Variants in CDS2 observed in about 807,000 individuals in gnomAD.
The protein encoded by CDS2 is CDP-diacylglycerol synthase 2.
CDS2 carries 47 observed loss-of-function variants against 59.0 expected under a neutral mutation model. The observed-to-expected ratio is 0.80, with a 90% CI of 0.63 to 1.02. The LOEUF (loss-of-function observed/expected upper bound fraction) is 1.02. Among genes scored for constraint, CDS2 ranks in the 50% least tolerant of loss-of-function variants. CDS2 has a pLI of 0.00. For synonymous variants in CDS2, 207 were observed against 206.4 expected (o/e 1.00, Z -0.02); for missense variants, 356 against 558.9 (o/e 0.64, Z 3.66).
At chr20:5,186,597 C>T in intron 9 of CDS2, 90 bp from the exon 10 acceptor site, 4 of 1,368,598 alleles carry the variant, frequency 2.9e-6, no homozygotes, top group Non-Finnish European at 3.1e-6. Context: ...TACTAGGCAC[C>T]CTCAGGAACA....
In CDS2 at chr20:5,182,379, CA is replaced by C; in HGVS notation, c.530-5del. 3 of 1,606,486 alleles carry C rather than the reference CA, an allele frequency of 1.9e-6. No individual in the cohort carries two copies. Among genetic ancestry groups the C allele is most frequent in the Non-Finnish European group, 2.5e-6 (3 of 1,176,968 alleles). On this transcript the variant is annotated splice_polypyrimidine_tract_variant and splice_region_variant and intron_variant, in intron 5 of 12. Coordinates refer to ENST00000460006, the MANE Select transcript of CDS2 (RefSeq NM_003818.4). Reference sequence around the variant, plus strand: ...TCATTTTTCTTTTCTCCTCCCACCTCAAACTAGGATTCTGCATGTTTGTACT... The same window carrying C: ...TCATTTTTCTTTTCTCCTCCCACCTCAACTAGGATTCTGCATGTTTGTACT...
chr20:5,129,980 G>GT (rs899335431), intron 1 of CDS2, among the ~76,000 whole-genome samples: 14 of 149,180 alleles, frequency 9.4e-5, no homozygotes, highest in East Asian at 2.0e-4. Context: ...TTGTTTTTTT[G>GT]TTTTTTTTTG....
intron 1 of CDS2, among the ~76,000 whole-genome samples, chr20:5,167,179 A>C (rs1215835378): frequency 6.6e-6 from 1 of 152,234 alleles, no homozygotes; most frequent in Non-Finnish European, 1.5e-5. Flanking sequence ...ATCTGGAGAC[A>C]GAATGGCTCA....
chr20:5,143,599 G>GTTCTTT (rs909121008), intron 1 of CDS2, among the ~76,000 whole-genome samples: 1 of 145,716 alleles, frequency 6.9e-6, no homozygotes, highest in Admixed American at 6.9e-5. Context: ...TCTGCTTTCA[G>GTTCTTT]TTCTTTTTCT....
chr20:5,132,954 C>T (rs2090619327), intron 1 of CDS2, among the ~76,000 whole-genome samples: 2 of 151,390 alleles, frequency 1.3e-5, no homozygotes, highest in African/African-American at 4.9e-5. Context: ...GGGCGGATCA[C>T]GAGGTCAGGA....
chr20:5,155,036 G>C (rs1398889741), intron 1 of CDS2, among the ~76,000 whole-genome samples: 2 of 152,246 alleles, frequency 1.3e-5, no homozygotes, highest in Non-Finnish European at 2.9e-5. Flanking sequence ...CATAGGGCAA[G>C]ATTGAACCGC....
rs929649163 is a variant in CDS2, at chr20:5,192,619, C to T, written c.*2385C>T. 2.6e-5 allele frequency: 4 copies of T among 152,122 alleles called. No homozygotes were observed. Among genetic ancestry groups the T allele is most frequent in the Non-Finnish European group, 5.9e-5 (4 of 68,024 alleles). 9.4% of individuals were successfully genotyped at this position (152,122 alleles called of 1,614,324 possible). A position where few individuals can be genotyped will look rare whatever the true frequency, so the allele number is the denominator to read the frequency against. Reference sequence around the variant, plus strand: ...CATGAATGGCATCACTTGCTTTAGACCCATTTTTTTTTTATTGGTCAGAAA... The same window carrying T: ...CATGAATGGCATCACTTGCTTTAGATCCATTTTTTTTTTATTGGTCAGAAA... On this transcript the variant is annotated 3_prime_UTR_variant, in exon 13 of 13. Coordinates refer to ENST00000460006, the MANE Select transcript of CDS2 (RefSeq NM_003818.4).
At chr20:5,165,211 GA>G (rs1234023028) in intron 1 of CDS2, among the ~76,000 whole-genome samples, 2 of 150,926 alleles carry the variant, frequency 1.3e-5, no homozygotes, top group African/African-American at 2.4e-5. Flanking sequence ...ACTTTTTTTG[GA>G]AACCCCCGTA....
intron 1 of CDS2, among the ~76,000 whole-genome samples, chr20:5,129,741 G>A (rs117848740): frequency 7.7e-5 from 11 of 143,164 alleles, no homozygotes; most frequent in Admixed American, 4.2e-4. Context: ...TGTACCTGGC[G>A]TTTTTTTTTT....
chr20:5,177,968 A>G (rs55658805), intron 4 of CDS2, among the ~76,000 whole-genome samples: 2,378 of 152,338 alleles, frequency 0.016, 27 homozygotes, highest in South Asian at 0.038. Flanking sequence ...AAAGAAACCC[A>G]ATATGGGAGT....
chr20:5,183,663 A>G (rs2091046940), intron 7 of CDS2, among the ~76,000 whole-genome samples: 1 of 152,248 alleles, frequency 6.6e-6, no homozygotes, highest in Non-Finnish European at 1.5e-5. Context: ...CAATGAGGAG[A>G]GAGAAGCAGG....
At chr20:5,185,581 C>G (rs1327563094) in intron 8 of CDS2, among the ~76,000 whole-genome samples, 177 bp from the exon 9 acceptor site, 1 of 151,902 alleles carries the variant, frequency 6.6e-6, no homozygotes, top group East Asian at 1.9e-4. Context: ...GAAAGGGAAC[C>G]AAAGGGAGGA....
Position 5,183,056 on chromosome 20 carries a change from T to TG in CDS2, c.589-4dup. The TG allele has an allele frequency of 6.2e-7, 1 of 1,613,416 alleles. No homozygotes were observed. The highest frequency in any genetic ancestry group is 1.1e-5 in the South Asian group (1 of 91,060). On this transcript the variant is annotated splice_polypyrimidine_tract_variant and splice_region_variant and intron_variant, in intron 6 of 12. Transcript: ENST00000460006. ...AAGTAGTGTTTATTTTTCTTTTTTT[T>TG]GCAGTTTGGCTGGACCCATGTGACA... is the stretch of plus-strand genomic sequence containing the variant.
intron 1 of CDS2, among the ~76,000 whole-genome samples, chr20:5,134,779 C>CT (rs1183574232): frequency 6.6e-6 from 1 of 152,162 alleles, no homozygotes; most frequent in Non-Finnish European, 1.5e-5. Flanking sequence ...CCTTGGCCTT[C>CT]TACAATGCTG....
In CDS2 at chr20:5,163,948, G is replaced by A. The variant is rs1389239830; in HGVS notation, c.58-9575G>A. Among the ~76,000 whole-genome samples, 7 of 151,686 alleles carry A rather than the reference G, an allele frequency of 4.6e-5. 1 individual carries two copies. Among genetic ancestry groups the A allele is most frequent in the South Asian group, 4.2e-4 (2 of 4,796 alleles). ...TGGGATTACAGGTGCCCACCACCAC[G>A]CCTGGATAATTTTTGTGTTTTTAGT... On this transcript the variant is annotated intron_variant, in intron 1 of 12. Transcript: ENST00000460006.
chr20:5,151,671 C>CA (rs1026207170), intron 1 of CDS2, among the ~76,000 whole-genome samples: 1 of 149,970 alleles, frequency 6.7e-6, no homozygotes, highest in African/African-American at 2.5e-5. Context: ...ACTCCTGCCT[C>CA]AAGCAGTCCT....
rs111727857 is a variant in CDS2, at chr20:5,186,704, C to T, written c.846C>T (p.Ser282=). The T allele has an allele frequency of 6.6e-5, 107 of 1,614,028 alleles. 1 individual carries two copies. The African/African-American group carries it at 6.8e-4, about 10-fold the overall frequency. Residue 282 remains serine (S), a synonymous_variant, in exon 10 of 13, where the codon TCC becomes TCT. Coordinates refer to ENST00000460006, the MANE Select transcript of CDS2 (RefSeq NM_003818.4). ...CTCCTCAGCTGTCCTATGTGATGTCCGGGTACAGATGCTTTGTCTGCCCTG... is the reference window on the plus strand; with the variant it reads ...CTCCTCAGCTGTCCTATGTGATGTCTGGGTACAGATGCTTTGTCTGCCCTG... ...VFGLLLSYVM[S]GYRCFVCPVE...
chr20:5,166,031 G>T (rs147975462), intron 1 of CDS2, among the ~76,000 whole-genome samples: 64 of 152,286 alleles, frequency 4.2e-4, no homozygotes, highest in Non-Finnish European at 6.3e-4. Context: ...GCTGTGGAAG[G>T]GGTTCAGGAT....
chr20:5,165,067 T>C lies in CDS2; in HGVS notation c.58-8456T>C, dbSNP rs549505253. On this transcript the variant is annotated intron_variant, in intron 1 of 12. Coordinates refer to ENST00000460006, the MANE Select transcript of CDS2 (RefSeq NM_003818.4). The stretch of plus-strand genomic sequence containing the variant: ...CTTGTCACAAAAATTATGGGTTTAA[T>C]GTATGAGACTGGCAGTCATGCAGAG... Among the ~76,000 whole-genome samples, 9 of 152,318 alleles carry C rather than the reference T, an allele frequency of 5.9e-5. No homozygotes were observed. The South Asian group carries it at 1.7e-3, about 28-fold the overall frequency.
Sources: allele counts gnomAD v4.1 joint callset (sites outside exome capture counted in the v4.1 genomes callset), GRCh38; gene constraint gnomAD v4.1.1; transcripts MANE v1.5; gene names NCBI Gene and HGNC (gene_info 2026-07-23, HGNC 2026-07-21).